DNAH9: variants seen among roughly 807,000 people sequenced by gnomAD.
DNAH9 encodes the protein dynein axonemal heavy chain 9, also known as DNAH9 variant protein.
Under a neutral mutation model 471.6 loss-of-function variants are expected in DNAH9, and 345 were observed. The ratio of observed to expected loss-of-function variants is 0.73; its 90% confidence interval spans 0.67 to 0.80. The LOEUF is 0.80. Among genes scored for constraint, DNAH9 ranks in the 30% least tolerant of loss-of-function variants. The pLI is 0.00. For synonymous variants in DNAH9, 2,093 were observed against 2,123.6 expected, an observed-to-expected ratio of 0.99 and a Z score of 0.40; for missense variants, 5,407 against 5,609.2, an observed-to-expected ratio of 0.96 and a Z score of 1.15.
intron 41 of DNAH9, among the ~76,000 whole-genome samples, chr17:11,785,724 C>G (rs1968843538): frequency 6.6e-6 from 1 of 152,178 alleles, no homozygotes; most frequent in Admixed American, 6.5e-5. Context: ...AAACAGAGAC[C>G]CACATAGATC....
At position 11,937,392 on chromosome 17, in the gene DNAH9, A is replaced by G; in HGVS notation, c.12530A>G (p.Tyr4177Cys). 6.2e-7 allele frequency: 1 copy of G among 1,613,920 alleles called. No homozygotes were observed. Among genetic ancestry groups the G allele is most frequent in the Non-Finnish European group, 8.5e-7 (1 of 1,179,928 alleles). The change falls in exon 66 of 69, where the codon TAT becomes TGT. Residue 4177 changes from tyrosine to cysteine, a missense_variant. Around this residue, in one of 3 missense-constraint regions of DNAH9, gnomAD observed 4,636 missense variants for 4,900.3 expected, o/e 0.95. Coordinates refer to ENST00000262442, the MANE Select transcript of DNAH9 (RefSeq NM_001372.4). This position sits in a 1 kb window ranked among gnomAD's most constrained non-coding sequence, Gnocchi z 4.1. Reference sequence around the variant, plus strand: ...CTGCCCCCAGAATCCCCCTACCTCTATGGCCTCCACCCGAACGCAGAGATT... The same window carrying G: ...CTGCCCCCAGAATCCCCCTACCTCTGTGGCCTCCACCCGAACGCAGAGATT... ...AELPPESPYL[Y>C]GLHPNAEIGF...
chr17:11,773,173 G>A (rs751104322), intron 38 of DNAH9, among the ~76,000 whole-genome samples: 5 of 152,140 alleles, frequency 3.3e-5, no homozygotes, highest in South Asian at 2.1e-4. Context: ...TCATGAACCC[G>A]TTAACTCATT....
intron 22 of DNAH9, among the ~76,000 whole-genome samples, chr17:11,697,544 C>T (rs1421538224): frequency 1.3e-5 from 2 of 152,134 alleles, no homozygotes; most frequent in African/African-American, 2.4e-5. Flanking sequence ...GAGATTTTGT[C>T]CTATCTGAAA....
chr17:11,658,493 C>CT (rs529737635), intron 14 of DNAH9, among the ~76,000 whole-genome samples: 96 of 151,254 alleles, frequency 6.3e-4, no homozygotes, highest in Middle Eastern at 6.8e-3. Context: ...TTTTTTATGT[C>CT]TTTTTTTTTC....
At chr17:11,809,604 T>C (rs1969814613) in intron 44 of DNAH9, among the ~76,000 whole-genome samples, 1 of 152,004 alleles carries the variant, frequency 6.6e-6, no homozygotes, top group Admixed American at 6.6e-5. Flanking sequence ...TACAAGACCC[T>C]GCTAGCATAA....
chr17:11,908,474 T>C (rs1973681643), intron 61 of DNAH9, among the ~76,000 whole-genome samples: 1 of 152,222 alleles, frequency 6.6e-6, no homozygotes. Flanking sequence ...ATCAGTCTTT[T>C]ACTGATGCTA....
chr17:11,605,748 G>A (rs1021581359), intron 1 of DNAH9, among the ~76,000 whole-genome samples: 1 of 148,652 alleles, frequency 6.7e-6, no homozygotes, highest in Non-Finnish European at 1.5e-5. Context: ...CAAACAATCT[G>A]CCCTCCTCAG....
chr17:11,919,658 A>G (rs1278074041), intron 61 of DNAH9, among the ~76,000 whole-genome samples: 1 of 152,166 alleles, frequency 6.6e-6, no homozygotes, highest in Non-Finnish European at 1.5e-5. Flanking sequence ...CAAACATGTG[A>G]ATTATTCCTT....
intron 1 of DNAH9, among the ~76,000 whole-genome samples, chr17:11,607,890 G>C (rs2072543516): frequency 6.6e-6 from 1 of 152,122 alleles, no homozygotes; most frequent in Non-Finnish European, 1.5e-5. Context: ...TTTTTGGCTA[G>C]AGGGCTTTAT....
chr17:11,936,990 G>A (rs564556880), intron 65 of DNAH9, among the ~76,000 whole-genome samples: 33 of 152,308 alleles, frequency 2.2e-4, no homozygotes, highest in African/African-American at 6.7e-4. Flanking sequence ...AAATCACTAG[G>A]GAGGGATTCG....
At chr17:11,821,809 C>A in intron 45 of DNAH9, 111 bp from the exon 46 acceptor site, 1 of 1,219,246 alleles carries the variant, frequency 8.2e-7, no homozygotes, top group Non-Finnish European at 1.1e-6. Flanking sequence ...AGAGTTGGTA[C>A]ATGGCCTAAA....
At chr17:11,635,626 G>A (rs1014169354) in intron 8 of DNAH9, among the ~76,000 whole-genome samples, 1 of 152,142 alleles carries the variant, frequency 6.6e-6, no homozygotes, top group Non-Finnish European at 1.5e-5. Flanking sequence ...TGGAAGGCAC[G>A]TTTAGAAGCA....
chr17:11,613,702 G>A (rs2072683559), intron 4 of DNAH9, among the ~76,000 whole-genome samples: 1 of 152,186 alleles, frequency 6.6e-6, no homozygotes, highest in African/African-American at 2.4e-5. Flanking sequence ...CAGTTTTCAT[G>A]TTGTCTAATT....
chr17:11,652,512 C>G, intron 13 of DNAH9, among the ~76,000 whole-genome samples: 1 of 151,952 alleles, frequency 6.6e-6, no homozygotes, highest in Admixed American at 6.6e-5. Flanking sequence ...GTCTCGATCT[C>G]CTGACCTCGT....
chr17:11,801,897 A>C (rs1372340900), intron 43 of DNAH9, among the ~76,000 whole-genome samples: 2 of 152,182 alleles, frequency 1.3e-5, no homozygotes. Context: ...TTTAGAAAAA[A>C]AAAATAATAA....
Position 11,629,583 on chromosome 17 carries a change from C to G in DNAH9, c.1517C>G (p.Thr506Arg), listed in dbSNP as rs141702885. The G allele has an allele frequency of 6.2e-7, 1 of 1,612,726 alleles. No homozygotes were observed. Among genetic ancestry groups the G allele is most frequent in the Non-Finnish European group, 8.5e-7 (1 of 1,179,466 alleles). ...TCCGACTGCCTGTACCTCCAAAGCA[C>G]GGTAGGGTTGGGAAGGGCTGAATCG... ...SSSDCLYLQSTDFENDVSEFN... is the reference protein window; with the variant it reads ...SSSDCLYLQSRDFENDVSEFN... The change falls in exon 7 of 69, where the codon ACG (threonine) becomes AGG (arginine). Residue 506 changes from threonine to arginine, a missense_variant and splice_region_variant. By Grantham distance (71) the Thr-to-Arg change is moderately conservative (BLOSUM62 -1). Around this residue, in one of 3 missense-constraint regions of DNAH9, gnomAD observed 767 missense variants for 692.5 expected, o/e 1.11. Coordinates refer to ENST00000262442, the MANE Select transcript of DNAH9 (RefSeq NM_001372.4).
intron 14 of DNAH9, among the ~76,000 whole-genome samples, chr17:11,664,257 C>G (rs904363802): frequency 1.4e-5 from 2 of 144,794 alleles, no homozygotes; most frequent in South Asian, 2.2e-4. Flanking sequence ...AAAGAGAAGG[C>G]GGGGAGGAAG....
At chr17:11,612,429 G>A (rs968043700) in intron 4 of DNAH9, 8 of 161,782 alleles carry the variant, frequency 4.9e-5, no homozygotes, top group Non-Finnish European at 8.1e-5. Flanking sequence ...TCTTCCATCC[G>A]ATCTGCCTAC....
At chr17:11,953,692 G>C (rs1200877406) in intron 67 of DNAH9, among the ~76,000 whole-genome samples, 3 of 146,822 alleles carry the variant, frequency 2.0e-5, no homozygotes, top group Admixed American at 1.4e-4. Context: ...GGCGCCTGTA[G>C]AGCTTGCAGT....
Sources: allele counts gnomAD v4.1 joint callset (sites outside exome capture counted in the v4.1 genomes callset), GRCh38; gene constraint gnomAD v4.1.1; regional missense constraint gnomAD v4.1.1; non-coding constraint Gnocchi (gnomAD v3.1); transcripts MANE v1.5; gene names NCBI Gene and HGNC (gene_info 2026-07-23, HGNC 2026-07-21).